The following APBB1IP variants were observed in gnomAD, a reference collection of about 807,000 sequenced individuals.
APBB1IP encodes the protein amyloid beta precursor protein binding family B member 1 interacting protein.
APBB1IP carries 27 observed loss-of-function variants against 64.9 expected under a neutral mutation model. The observed-to-expected ratio is 0.42, with a 90% CI of 0.31 to 0.57. The LOEUF (loss-of-function observed/expected upper bound fraction) is 0.57. APBB1IP is among the 20% of genes least tolerant of loss of function. The probability of loss-of-function intolerance (pLI) is 0.20; values close to 1 mark genes in which losing one functional copy is unlikely to be tolerated. For missense variants in APBB1IP, 812 were observed against 845.5 expected (o/e 0.96, Z 0.49); for synonymous variants, 392 against 331.0 (o/e 1.18, Z -2.00).
In APBB1IP at chr10:26,567,144, T is replaced by C. The variant is rs1225077094; in HGVS notation, c.1657T>C (p.Phe553Leu). The C allele has an allele frequency of 1.4e-6, 2 of 1,416,924 alleles. No individual in the cohort carries two copies. The highest frequency in any genetic ancestry group is 1.8e-6 in the Non-Finnish European group (2 of 1,094,964). The allele number at this position is 1,416,924 out of a possible 1,614,324, so 87.8% of individuals were successfully genotyped here. The stretch of plus-strand genomic sequence containing the variant: ...GGGCTTGCCCGCCCCACCCGACGAC[T>C]TCCTGCCGCCGCCGCCACCGCCGCC... ...GGGLPAPPDDFLPPPPPPPPL... is the reference protein window; with the variant it reads ...GGGLPAPPDDLLPPPPPPPPL... The change falls in exon 15 of 15, where the codon TTC (phenylalanine) becomes CTC (leucine). Residue 553 changes from phenylalanine to leucine, a missense_variant. Coordinates refer to ENST00000376236, the MANE Select transcript of APBB1IP (RefSeq NM_019043.4).
intron 10 of APBB1IP, among the ~76,000 whole-genome samples, chr10:26,540,302 C>T (rs1486964993): frequency 1.3e-5 from 2 of 152,092 alleles, no homozygotes; most frequent in Non-Finnish European, 2.9e-5. Context: ...AGGCGAGGGG[C>T]GGTGGCTCAC....
chr10:26,528,390 AT>A (rs2132459137), intron 8 of APBB1IP, among the ~76,000 whole-genome samples: 1 of 152,106 alleles, frequency 6.6e-6, no homozygotes, highest in Non-Finnish European at 1.5e-5. Context: ...ATCTATTCTT[AT>A]TCTTTTTTTC....
At chr10:26,448,909 T>A (rs780772274) in intron 2 of APBB1IP, among the ~76,000 whole-genome samples, 1 of 152,174 alleles carries the variant, frequency 6.6e-6, no homozygotes, top group Non-Finnish European at 1.5e-5. Context: ...TCAACTCTTC[T>A]GTTTTCTTTT....
intron 3 of APBB1IP, among the ~76,000 whole-genome samples, chr10:26,493,360 A>T (rs957784698): frequency 1.3e-5 from 2 of 152,236 alleles, no homozygotes; most frequent in Non-Finnish European, 2.9e-5. Context: ...GATTAAAGAC[A>T]GGCAGGGAAA....
Position 26,541,782 on chromosome 10 carries a change from T to C in APBB1IP, c.1155+90T>C, listed in dbSNP as rs1836700264. 2.9e-5 allele frequency: 26 copies of C among 908,454 alleles called. No individual in the cohort carries two copies. In the East Asian group the frequency reaches 7.3e-4, roughly 26 times the overall value. 56.3% of individuals were successfully genotyped at this position (908,454 alleles called of 1,614,324 possible). ...GAAAATGTTAAATTATAGTTAGCCATATGTGTAACAATAAGAAATTGTTTA... is the reference window on the plus strand; with the variant it reads ...GAAAATGTTAAATTATAGTTAGCCACATGTGTAACAATAAGAAATTGTTTA... On this transcript the variant is annotated intron_variant, in intron 11 of 14. Coordinates refer to ENST00000376236, the MANE Select transcript of APBB1IP (RefSeq NM_019043.4).
chr10:26,489,732 TAAAATC>T (rs2132428502), intron 2 of APBB1IP, among the ~76,000 whole-genome samples: 1 of 152,338 alleles, frequency 6.6e-6, no homozygotes, highest in African/African-American at 2.4e-5. Flanking sequence ...GTGATATTTT[TAAAATC>T]ATTTGGCTGG....
chr10:26,487,899 G>C (rs1206275237), intron 2 of APBB1IP, among the ~76,000 whole-genome samples: 2 of 152,094 alleles, frequency 1.3e-5, no homozygotes, highest in Non-Finnish European at 2.9e-5. Flanking sequence ...TTATTGTAAT[G>C]CTAGTTGGCA....
At chr10:26,528,483 C>T (rs1478341209) in intron 8 of APBB1IP, among the ~76,000 whole-genome samples, 1 of 152,152 alleles carries the variant, frequency 6.6e-6, no homozygotes, top group Non-Finnish European at 1.5e-5. Context: ...CATCGCAGTC[C>T]ATAGTAATTT....
intron 2 of APBB1IP, among the ~76,000 whole-genome samples, chr10:26,477,729 T>C (rs1037456789): frequency 2.6e-5 from 4 of 152,180 alleles, no homozygotes; most frequent in Non-Finnish European, 4.4e-5. Context: ...TGAGTGAATA[T>C]ACCATGTTTC....
At chr10:26,494,845 A>G (rs372527085) in intron 3 of APBB1IP, among the ~76,000 whole-genome samples, 68 of 152,102 alleles carry the variant, frequency 4.5e-4, no homozygotes, top group East Asian at 2.1e-3. Context: ...AAAATAAAAA[A>G]TAAACCAATT....
chr10:26,481,529 G>T (rs937165097), intron 2 of APBB1IP, among the ~76,000 whole-genome samples: 2 of 151,856 alleles, frequency 1.3e-5, no homozygotes, highest in Admixed American at 6.6e-5. Context: ...TTGTCACTCA[G>T]GCTAGAGGGC....
intron 3 of APBB1IP, among the ~76,000 whole-genome samples, chr10:26,495,955 TATATATATTTA>T (rs1044492642): frequency 3.8e-5 from 5 of 132,244 alleles, no homozygotes; most frequent in Admixed American, 7.4e-5. Flanking sequence ...AAATATATTT[TATATATATTTA>T]ATATATATAA....
At chr10:26,453,280 C>G (rs1360844) in intron 2 of APBB1IP, among the ~76,000 whole-genome samples, 60,658 of 151,878 alleles carry the variant, frequency 0.4, 12,253 homozygotes, top group South Asian at 0.5. Flanking sequence ...GGTGTGTTTA[C>G]AGGAGGAGAA....
intron 2 of APBB1IP, among the ~76,000 whole-genome samples, chr10:26,465,782 C>A (rs1333889194): frequency 2.6e-5 from 4 of 152,064 alleles, no homozygotes; most frequent in Non-Finnish European, 5.9e-5. Flanking sequence ...TTCACTTGCA[C>A]AATGAGGATA....
chr10:26,449,605 G>C (rs1835442663), intron 2 of APBB1IP, among the ~76,000 whole-genome samples: 1 of 152,144 alleles, frequency 6.6e-6, no homozygotes, highest in African/African-American at 2.4e-5. Flanking sequence ...TTTGTTTCAA[G>C]GGGATATCAT....
At chr10:26,529,257 T>A (rs1203024530) in intron 8 of APBB1IP, among the ~76,000 whole-genome samples, 1 of 152,236 alleles carries the variant, frequency 6.6e-6, no homozygotes, top group Non-Finnish European at 1.5e-5. Context: ...ACAGCCCGCA[T>A]TGAGTGGGCG....
At chr10:26,558,228 G>A (rs1011204489) in intron 11 of APBB1IP, among the ~76,000 whole-genome samples, 1 of 151,570 alleles carries the variant, frequency 6.6e-6, no homozygotes. Flanking sequence ...ACCTTATAAT[G>A]ACCCATGAAA....
intron 4 of APBB1IP, among the ~76,000 whole-genome samples, chr10:26,498,731 T>C (rs1487921776): frequency 6.6e-6 from 1 of 152,184 alleles, no homozygotes; most frequent in African/African-American, 2.4e-5. Flanking sequence ...ATCACAGTAC[T>C]GACAATGATA....
At chr10:26,481,487 T>C (rs904638742) in intron 2 of APBB1IP, among the ~76,000 whole-genome samples, 2 of 152,184 alleles carry the variant, frequency 1.3e-5, no homozygotes, top group Non-Finnish European at 2.9e-5. Context: ...ATTTTTGTTT[T>C]TATTTTTTAA....
Sources: gnomAD v4.1 joint callset for allele counts (sites outside exome capture counted in the v4.1 genomes callset) on GRCh38, gnomAD v4.1.1 for gene constraint, MANE v1.5 for transcripts, NCBI Gene and HGNC (gene_info 2026-07-23, HGNC 2026-07-21) for gene names.